LMBR1: variants seen among roughly 807,000 people sequenced by gnomAD.
LMBR1 encodes the protein limb region 1 protein homolog.
LMBR1 carries 52 observed loss-of-function variants against 73.9 expected under a neutral mutation model. That is an observed-to-expected ratio of 0.70 (90% confidence interval 0.56 to 0.89). The LOEUF is 0.89. Among genes scored for constraint, LMBR1 ranks in the 40% least tolerant of loss-of-function variants. LMBR1 has a pLI of 0.00. For missense variants in LMBR1, 539 were observed against 579.8 expected (o/e 0.93, Z 0.72); for synonymous variants, 215 against 209.4 (o/e 1.03, Z -0.23).
Position 156,836,877 on chromosome 7 carries a change from G to T in LMBR1, c.75C>A (p.Phe25Leu). The T allele has an allele frequency of 6.4e-7, 1 of 1,571,734 alleles. No individual in the cohort carries two copies. Among genetic ancestry groups the T allele is most frequent in the South Asian group, 1.2e-5 (1 of 85,714 alleles). Residue 25 changes from phenylalanine to leucine, a missense_variant, in exon 2 of 17, where the codon TTC (phenylalanine) becomes TTA (leucine). This residue lies in a region of LMBR1 where 454 missense variants were observed against 473.4 expected (regional missense o/e 0.96). Coordinates refer to ENST00000353442, the MANE Select transcript of LMBR1 (RefSeq NM_022458.4). ...HSQVRESTIC[F>L]LLFAILYVVS... ...CAACGTAGAGAATGGCAAAAAGAAG[G>T]AAACATATCTGAAACAAAACGAAGT...
At chr7:156,881,732 T>A (rs1285155610) in intron 1 of LMBR1, among the ~76,000 whole-genome samples, 1 of 151,658 alleles carries the variant, frequency 6.6e-6, no homozygotes, top group Non-Finnish European at 1.5e-5. Context: ...AAATGCTCAA[T>A]GTCACCAATT....
At chr7:156,781,145 C>T (rs918599644) in intron 5 of LMBR1, among the ~76,000 whole-genome samples, 2 of 152,130 alleles carry the variant, frequency 1.3e-5, no homozygotes, top group Non-Finnish European at 2.9e-5. Context: ...AAAGAAAGAT[C>T]ATTAGCATTA....
intron 4 of LMBR1, among the ~76,000 whole-genome samples, chr7:156,800,342 C>A (rs1277673339): frequency 6.6e-6 from 1 of 152,094 alleles, no homozygotes; most frequent in African/African-American, 2.4e-5. Flanking sequence ...TTCCAGAAAT[C>A]CTAAAACCCT....
Position 156,790,488 on chromosome 7 carries a change from G to A in LMBR1, c.423+5901C>T, listed in dbSNP as rs80323314. ...TCCAAAGTTCACATTTTTTGCCACT[G>A]TTATGCAAATAAAGAGACAATCTAG... On this transcript the variant is annotated intron_variant, in intron 5 of 16. Coordinates refer to ENST00000353442, the MANE Select transcript of LMBR1 (RefSeq NM_022458.4). 2.6e-4 allele frequency among the ~76,000 whole-genome samples: 39 copies of A among 152,040 alleles called. No homozygotes were observed. The Middle Eastern group carries it at 0.02, about 80-fold the overall frequency.
At chr7:156,688,300 G>C in intron 15 of LMBR1, 109 bp from the exon 16 acceptor site, 1 of 710,326 alleles carries the variant, frequency 1.4e-6, no homozygotes. Flanking sequence ...TCTCACTTCT[G>C]TGACGTGAGA....
At chr7:156,757,835 T>C (rs1232896942) in intron 8 of LMBR1, among the ~76,000 whole-genome samples, 3 of 152,170 alleles carry the variant, frequency 2.0e-5, no homozygotes, top group Non-Finnish European at 4.4e-5. Context: ...TCCCAGCCTT[T>C]CAACAAATCT....
chr7:156,730,376 C>T (rs536642702), intron 10 of LMBR1, among the ~76,000 whole-genome samples: 1 of 152,252 alleles, frequency 6.6e-6, no homozygotes, highest in South Asian at 2.1e-4. Flanking sequence ...AGGTCATAGT[C>T]AATAACTAAT....
At chr7:156,754,515 A>G (rs1161602456) in intron 9 of LMBR1, among the ~76,000 whole-genome samples, 1 of 152,172 alleles carries the variant, frequency 6.6e-6, no homozygotes, top group Admixed American at 6.5e-5. Flanking sequence ...ACACTAAGAA[A>G]GCGCCGCCAG....
intron 12 of LMBR1, among the ~76,000 whole-genome samples, chr7:156,727,233 G>A (rs1391263048): frequency 6.6e-6 from 1 of 152,150 alleles, no homozygotes; most frequent in East Asian, 1.9e-4. Context: ...AGCCATGTAG[G>A]AAGGATTAAG....
intron 5 of LMBR1, chr7:156,779,677 C>T: frequency 4.7e-6 from 6 of 1,285,624 alleles, no homozygotes; most frequent in Non-Finnish European, 6.1e-6. Context: ...GAGAAGCTGT[C>T]ATGTTTCTAT....
intron 4 of LMBR1, among the ~76,000 whole-genome samples, chr7:156,813,484 A>G (rs945996023): frequency 4.6e-5 from 7 of 152,196 alleles, no homozygotes; most frequent in Non-Finnish European, 8.8e-5. Flanking sequence ...TTTATTACTA[A>G]AAGAGTAAGC....
intron 15 of LMBR1, among the ~76,000 whole-genome samples, chr7:156,704,105 C>T (rs1419312781): frequency 6.6e-6 from 1 of 152,162 alleles, no homozygotes; most frequent in Non-Finnish European, 1.5e-5. Flanking sequence ...TACACAACTA[C>T]AACCAGCATC....
chr7:156,726,832 A>G (rs1815871043), intron 12 of LMBR1, among the ~76,000 whole-genome samples: 1 of 152,040 alleles, frequency 6.6e-6, no homozygotes, highest in African/African-American at 2.4e-5. Context: ...CCCGCAACCC[A>G]CCCAGAGGAG....
Position 156,766,098 on chromosome 7 carries a change from G to A in LMBR1, c.424-2303C>T, listed in dbSNP as rs140354799. 1.2e-3 allele frequency among the ~76,000 whole-genome samples: 185 copies of A among 151,974 alleles called. 1 individual carries two copies. Among genetic ancestry groups the A allele is most frequent in the African/African-American group, 4.1e-3 (171 of 41,410 alleles). On this transcript the variant is annotated intron_variant, in intron 5 of 16. Coordinates refer to ENST00000353442, the MANE Select transcript of LMBR1 (RefSeq NM_022458.4). ...TAGTAATTAAACTTGTTTTCTTCAG[G>A]TATGTGCCTGGGTGCTGGGAGACAA...
At chr7:156,714,241 A>G (rs190331155) in intron 15 of LMBR1, among the ~76,000 whole-genome samples, 1 of 152,338 alleles carries the variant, frequency 6.6e-6, no homozygotes, top group Admixed American at 6.5e-5. Flanking sequence ...AGAATGTGAT[A>G]AGTGACCTGG....
chr7:156,751,578 AT>A lies in LMBR1; in HGVS notation c.757+4814del, dbSNP rs143444135. The stretch of plus-strand genomic sequence containing the variant: ...CTCTGACTCACTAGGCCCAAGACAG[AT>A]ACGCACGGAAGCCATTAGGAAGCTA... On this transcript the variant is annotated intron_variant, in intron 9 of 16. Coordinates refer to ENST00000353442, the MANE Select transcript of LMBR1 (RefSeq NM_022458.4). 9.7e-3 allele frequency among the ~76,000 whole-genome samples: 1,477 copies of A among 152,306 alleles called. 25 individuals are homozygous for A. Among genetic ancestry groups the A allele is most frequent in the African/African-American group, 0.033 (1,381 of 41,562 alleles).
rs556476910 is a variant in LMBR1 at position 156,798,915 on chromosome 7, C to T, written c.320-2423G>A. On this transcript the variant is annotated intron_variant, in intron 4 of 16. Transcript: ENST00000353442. ...ACATTTTTAAAAGTTATCTACTGGCCGGGCATGGTGGCTCATACCTGTAAT... is the reference window on the plus strand; with the variant it reads ...ACATTTTTAAAAGTTATCTACTGGCTGGGCATGGTGGCTCATACCTGTAAT... Among the ~76,000 whole-genome samples, 11 of 151,902 alleles carry T rather than the reference C, an allele frequency of 7.2e-5. No homozygotes were observed. The East Asian group carries it at 9.7e-4, about 13-fold the overall frequency.
intron 8 of LMBR1, among the ~76,000 whole-genome samples, chr7:156,761,297 A>G (rs1454365397): frequency 6.6e-6 from 1 of 152,234 alleles, no homozygotes; most frequent in Non-Finnish European, 1.5e-5. Context: ...TCGTTTTTAT[A>G]TAATTAAATA....
chr7:156,873,020 GCGTTGGCA>G (rs1799550058), intron 1 of LMBR1, among the ~76,000 whole-genome samples: 1 of 151,920 alleles, frequency 6.6e-6, no homozygotes, highest in African/African-American at 2.4e-5. Flanking sequence ...TTAAGGTGGC[GCGTTGGCA>G]CGTCTGGAGT....
Sources: gnomAD v4.1 joint callset for allele counts (sites outside exome capture counted in the v4.1 genomes callset) on GRCh38, gnomAD v4.1.1 for gene constraint, gnomAD v4.1.1 regional missense constraint, MANE v1.5 for transcripts, NCBI Gene and HGNC (gene_info 2026-07-23, HGNC 2026-07-21) for gene names.